BORCS5: variants seen among roughly 807,000 people sequenced by gnomAD.
The protein encoded by BORCS5 is BLOC-1-related complex subunit 5.
BORCS5 carries 17 observed loss-of-function variants against 22.1 expected under a neutral mutation model. The ratio of observed to expected loss-of-function variants is 0.77; its 90% CI spans 0.53 to 1.15. The LOEUF (loss-of-function observed/expected upper bound fraction) is 1.15. Among genes scored for constraint, BORCS5 ranks in the 50% most tolerant of loss-of-function variants. The pLI, the probability that BORCS5 is intolerant of heterozygous loss-of-function variation, is 0.00. For missense variants in BORCS5, 247 were observed against 253.2 expected (o/e 0.98, Z 0.17); for synonymous variants, 117 against 99.8 (o/e 1.17, Z -1.03).
At chr12:12,363,164 G>A (rs936327351) in intron 2 of BORCS5, among the ~76,000 whole-genome samples, 2 of 151,864 alleles carry the variant, frequency 1.3e-5, no homozygotes, top group Non-Finnish European at 1.5e-5. Context: ...AGGCATGGTG[G>A]CACATACCTG....
chr12:12,441,872 T>C (rs1328521351), intron 3 of BORCS5, among the ~76,000 whole-genome samples: 1 of 152,182 alleles, frequency 6.6e-6, no homozygotes, highest in Non-Finnish European at 1.5e-5. Context: ...ACATGGGTCT[T>C]GAGAAATGTG....
At chr12:12,426,457 G>T (rs1180907492) in intron 2 of BORCS5, among the ~76,000 whole-genome samples, 1 of 152,172 alleles carries the variant, frequency 6.6e-6, no homozygotes, top group Non-Finnish European at 1.5e-5. Context: ...TGTCGTTTGT[G>T]GATACTGATG....
At chr12:12,438,374 A>AAAAAAAAACAAAAAAC (rs1555156024) in intron 3 of BORCS5, among the ~76,000 whole-genome samples, 1 of 125,046 alleles carries the variant, frequency 8.0e-6, no homozygotes, top group Non-Finnish European at 1.6e-5. Context: ...AAAAAAAAAA[A>AAAAAAAAACAAAAAAC]AAAAAACGAA....
Position 12,383,928 on chromosome 12 carries a change from T to C in BORCS5, c.202+22579T>C, listed in dbSNP as rs1427408263. Among the ~76,000 whole-genome samples the C allele has an allele frequency of 2.0e-5, 3 of 151,390 alleles. No homozygotes were observed. The East Asian group carries it at 5.8e-4, about 29-fold the overall frequency. Reference sequence around the variant, plus strand: ...CATTATGCATGTGTTGGCATGTTTGTTGTTGTTGCACAGATCTCTAAGGCA... The same window carrying C: ...CATTATGCATGTGTTGGCATGTTTGCTGTTGTTGCACAGATCTCTAAGGCA... On this transcript the variant is annotated intron_variant, in intron 2 of 3. Transcript: ENST00000314565.
chr12:12,415,180 TG>T (rs1164356730), intron 2 of BORCS5, among the ~76,000 whole-genome samples: 5 of 151,386 alleles, frequency 3.3e-5, no homozygotes. Flanking sequence ...CTCGGCACTT[TG>T]GGGGTCCAAG....
rs1247759345 is a variant in BORCS5, at chr12:12,361,190, G to C, written c.59-16G>C. ...GCCTAATATGCATCTCCTAAGCAGT[G>C]TAACTTTATTTTCAGTGACTCCTTC... On this transcript the variant is annotated splice_polypyrimidine_tract_variant and intron_variant, in intron 1 of 3. Coordinates refer to ENST00000314565, the MANE Select transcript of BORCS5 (RefSeq NM_058169.6). 2 of 1,612,754 alleles carry C rather than the reference G, an allele frequency of 1.2e-6. No homozygotes were observed. The highest frequency in any genetic ancestry group is 1.7e-6 in the Non-Finnish European group (2 of 1,178,846).
intron 2 of BORCS5, among the ~76,000 whole-genome samples, chr12:12,422,510 A>G (rs569676123): frequency 3.3e-5 from 5 of 152,254 alleles, no homozygotes; most frequent in African/African-American, 9.6e-5. Flanking sequence ...GCTACTTGGA[A>G]GAATCGTTTG....
intron 2 of BORCS5, among the ~76,000 whole-genome samples, chr12:12,423,652 A>G (rs1034463627): frequency 2.0e-5 from 3 of 150,474 alleles, no homozygotes; most frequent in African/African-American, 7.4e-5. Context: ...TTATGTGATA[A>G]GGTGTTTTTC....
At chr12:12,407,998 C>T (rs767768245) in intron 2 of BORCS5, among the ~76,000 whole-genome samples, 6 of 152,160 alleles carry the variant, frequency 3.9e-5, no homozygotes, top group African/African-American at 9.7e-5. Context: ...TGTGAGCCAC[C>T]GCGCCTGGCC....
At chr12:12,428,891 A>G (rs979142022) in intron 2 of BORCS5, among the ~76,000 whole-genome samples, 1 of 152,228 alleles carries the variant, frequency 6.6e-6, no homozygotes, top group Non-Finnish European at 1.5e-5. Flanking sequence ...AAAGCAGAAA[A>G]ATCCTAAGTG....
intron 3 of BORCS5, among the ~76,000 whole-genome samples, chr12:12,453,839 C>T (rs1389113845): frequency 1.3e-5 from 2 of 152,144 alleles, no homozygotes; most frequent in Non-Finnish European, 2.9e-5. Flanking sequence ...ACTCCCCATA[C>T]CTCTATTCCC....
chr12:12,450,859 G>A (rs1942894977), intron 3 of BORCS5, among the ~76,000 whole-genome samples: 1 of 152,136 alleles, frequency 6.6e-6, no homozygotes, highest in South Asian at 2.1e-4. Context: ...GATAATGTAT[G>A]TAAACTGCAC....
intron 3 of BORCS5, among the ~76,000 whole-genome samples, chr12:12,439,607 C>G (rs940095754): frequency 6.6e-6 from 1 of 152,190 alleles, no homozygotes; most frequent in Non-Finnish European, 1.5e-5. Context: ...GGCTACAGAG[C>G]AAGACCCTGT....
At chr12:12,377,571 A>C (rs567188558) in intron 2 of BORCS5, among the ~76,000 whole-genome samples, 2 of 152,020 alleles carry the variant, frequency 1.3e-5, no homozygotes, top group Admixed American at 6.6e-5. Context: ...GCAATTAAGC[A>C]TTAGGGTAGT....
intron 3 of BORCS5, among the ~76,000 whole-genome samples, chr12:12,448,982 C>A (rs957684970): frequency 6.6e-6 from 1 of 152,220 alleles, no homozygotes; most frequent in Admixed American, 6.5e-5. Flanking sequence ...TAGGATGCAA[C>A]CACACTTTAA....
intron 2 of BORCS5, among the ~76,000 whole-genome samples, chr12:12,385,790 G>C (rs907086417): frequency 2.6e-5 from 4 of 151,360 alleles, no homozygotes; most frequent in Non-Finnish European, 5.9e-5. Context: ...TTACAGGCGT[G>C]AGCCGCCACA....
rs149801336 is a variant in BORCS5, at chr12:12,393,063, G to A, written c.202+31714G>A. ...AGCCTGGACAATATGGCAAAACTCCGTCTCTACAAAAAATACAAAAAAATT... is the reference window on the plus strand; with the variant it reads ...AGCCTGGACAATATGGCAAAACTCCATCTCTACAAAAAATACAAAAAAATT... On this transcript the variant is annotated intron_variant, in intron 2 of 3. Coordinates refer to ENST00000314565, the MANE Select transcript of BORCS5 (RefSeq NM_058169.6). Among the ~76,000 whole-genome samples the A allele has an allele frequency of 1.5e-3, 232 of 152,038 alleles. 1 individual carries two copies. Among genetic ancestry groups the A allele is most frequent in the Non-Finnish European group, 6.2e-4 (42 of 68,002 alleles).
intron 2 of BORCS5, among the ~76,000 whole-genome samples, chr12:12,416,398 A>T (rs1766098253): frequency 6.6e-6 from 1 of 151,312 alleles, no homozygotes; most frequent in South Asian, 2.1e-4. Flanking sequence ...TAGTTCCTTA[A>T]GTTGTAAAGT....
At chr12:12,374,811 A>G (rs192753222) in intron 2 of BORCS5, among the ~76,000 whole-genome samples, 1 of 151,768 alleles carries the variant, frequency 6.6e-6, no homozygotes, top group African/African-American at 2.4e-5. Context: ...CAAAAAAATT[A>G]ACCGGGCGTG....
Sources: gnomAD v4.1 joint callset for allele counts (sites outside exome capture counted in the v4.1 genomes callset) on GRCh38, gnomAD v4.1.1 for gene constraint, MANE v1.5 for transcripts, NCBI Gene and HGNC (gene_info 2026-07-23, HGNC 2026-07-21) for gene names.